ZNF462: variants seen among roughly 807,000 people sequenced by gnomAD.
ZNF462 encodes the protein zinc finger PBX1-interacting protein.
A neutral mutation model predicts 201.9 loss-of-function variants in ZNF462; 10 were observed. The observed-to-expected ratio is 0.05, with a 90% CI of 0.03 to 0.08. The LOEUF is 0.08. Among genes scored for constraint, ZNF462 ranks in the 10% least tolerant of loss-of-function variants. The pLI is 1.00. For missense variants in ZNF462, 2,523 were observed against 3,168.3 expected, an observed-to-expected ratio of 0.80 and a Z score of 4.89; for synonymous variants, 1,227 against 1,193.3, an observed-to-expected ratio of 1.03 and a Z score of -0.58.
At position 106,962,504 on chromosome 9, in the gene ZNF462, G is replaced by T. The variant is rs975710983; in HGVS notation, c.6428-9501G>T. 6.6e-6 allele frequency among the ~76,000 whole-genome samples: 1 copy of T among 151,976 alleles called. No individual in the cohort carries two copies. Among genetic ancestry groups the T allele is most frequent in the African/African-American group, 2.4e-5 (1 of 41,382 alleles). ...CCTCAAAAATATAAAGAAAAAACAT[G>T]AGGCTTCACACAAAATAAGGTCTTT... On this transcript the variant is annotated intron_variant, in intron 7 of 12. Transcript: ENST00000277225. This position sits in a 1 kb window ranked among gnomAD's most constrained non-coding sequence, Gnocchi z 4.6.
At chr9:106,892,277 G>A (rs1195129527) in intron 1 of ZNF462, among the ~76,000 whole-genome samples, 1 of 152,162 alleles carries the variant, frequency 6.6e-6, no homozygotes, top group Non-Finnish European at 1.5e-5. Context: ...TAATAATCCT[G>A]GCATCCATTT....
intron 1 of ZNF462, among the ~76,000 whole-genome samples, chr9:106,896,602 A>G (rs1339832892): frequency 6.6e-6 from 1 of 152,240 alleles, no homozygotes; most frequent in African/African-American, 2.4e-5. Flanking sequence ...TTTGGGGGAT[A>G]GAAGGTAAAG....
intron 9 of ZNF462, chr9:106,975,989 A>G (rs1009289597): frequency 2.0e-5 from 3 of 152,362 alleles, no homozygotes; most frequent in Non-Finnish European, 2.9e-5. Flanking sequence ...TTCCCGTTGT[A>G]TGCCTGTGAA....
chr9:107,008,479 G>A lies in ZNF462; in HGVS notation c.7190-1066G>A, dbSNP rs935513705. ...AGGAGGCATCTTCCTGTAATGTCTT[G>A]TATGTGTGGACCAGAGTGATCAGAG... On this transcript the variant is annotated intron_variant, in intron 11 of 12. Coordinates refer to ENST00000277225, the MANE Select transcript of ZNF462 (RefSeq NM_021224.6). The surrounding 1 kb of genome is among the most constrained non-coding windows in gnomAD (Gnocchi z 4.8). 2.0e-5 allele frequency among the ~76,000 whole-genome samples: 3 copies of A among 152,140 alleles called. No homozygotes were observed. The highest frequency in any genetic ancestry group is 7.2e-5 in the African/African-American group (3 of 41,416).
At chr9:106,986,075 A>G (rs941578094) in intron 10 of ZNF462, among the ~76,000 whole-genome samples, 4 of 152,170 alleles carry the variant, frequency 2.6e-5, no homozygotes, top group Non-Finnish European at 5.9e-5. Flanking sequence ...CCTTTTTATT[A>G]CAGTGTTTAA....
At chr9:106,991,125 T>C (rs1344267827) in intron 10 of ZNF462, among the ~76,000 whole-genome samples, 1 of 152,020 alleles carries the variant, frequency 6.6e-6, no homozygotes. Context: ...CAACTTTTTA[T>C]TTATAGACAA....
In ZNF462 at chr9:106,923,249, T is replaced by C. The variant is rs1588059599; in HGVS notation, c.-30-105T>C. On this transcript the variant is annotated intron_variant, in intron 1 of 12. Transcript: ENST00000277225. The surrounding 1 kb of genome is among the most constrained non-coding windows in gnomAD (Gnocchi z 5.6). ...CTGGCAAAGTCCAATAAGAGAAATC[T>C]ACTGATACTGGAATTTTTTCCCATT... is the stretch of plus-strand genomic sequence containing the variant. 3 of 787,400 alleles carry C rather than the reference T, an allele frequency of 3.8e-6. No homozygotes were observed. The East Asian group carries it at 7.9e-5, about 21-fold the overall frequency. 48.8% of individuals were successfully genotyped at this position (787,400 alleles called of 1,614,324 possible). A position where few individuals can be genotyped will look rare whatever the true frequency, so the allele number is the denominator to read the frequency against.
At chr9:106,980,672 A>G (rs1027716500) in intron 9 of ZNF462, among the ~76,000 whole-genome samples, 4 of 152,282 alleles carry the variant, frequency 2.6e-5, no homozygotes, top group Non-Finnish European at 5.9e-5. Flanking sequence ...CTTCGGTTTT[A>G]TGTCCTGCTG....
chr9:106,939,723 A>G (rs1588089390), intron 7 of ZNF462, among the ~76,000 whole-genome samples: 1 of 152,316 alleles, frequency 6.6e-6, no homozygotes, highest in East Asian at 1.9e-4. Context: ...CTCGCTAGCA[A>G]TGTGACCAAA....
intron 7 of ZNF462, 107 bp from the exon 8 acceptor site, chr9:106,971,898 C>T: frequency 7.3e-7 from 1 of 1,369,910 alleles, no homozygotes; most frequent in Non-Finnish European, 9.9e-7. Flanking sequence ...TCAATTATAC[C>T]TTAGTAAAGC....
intron 10 of ZNF462, among the ~76,000 whole-genome samples, chr9:106,998,120 A>C (rs2132543207): frequency 6.6e-6 from 1 of 152,302 alleles, no homozygotes; most frequent in Non-Finnish European, 1.5e-5. Flanking sequence ...ACAGCGCTGC[A>C]CATTCTTTTT....
chr9:106,886,720 T>G lies in ZNF462; in HGVS notation c.-31+23365T>G, dbSNP rs1828335256. The stretch of plus-strand genomic sequence containing the variant: ...ATGTAGGAAGTTAGTTAAGGAAGCC[T>G]GAAATGGAATATCAGTTTTCTGCCC... On this transcript the variant is annotated intron_variant, in intron 1 of 12. Transcript: ENST00000277225. This position sits in a 1 kb window ranked among gnomAD's most constrained non-coding sequence, Gnocchi z 4.6. 6.6e-6 allele frequency among the ~76,000 whole-genome samples: 1 copy of G among 152,188 alleles called. No homozygotes were observed. The highest frequency in any genetic ancestry group is 2.4e-5 in the African/African-American group (1 of 41,452).
At chr9:106,994,428 C>A (rs1048723650) in intron 10 of ZNF462, among the ~76,000 whole-genome samples, 2 of 152,092 alleles carry the variant, frequency 1.3e-5, no homozygotes, top group Non-Finnish European at 2.9e-5. Flanking sequence ...AAGAATCTTT[C>A]TCCAAAGATT....
At chr9:106,864,109 T>TCTCTCTCTCTCTCC (rs1564062922) in intron 1 of ZNF462, among the ~76,000 whole-genome samples, 1 of 115,346 alleles carries the variant, frequency 8.7e-6, no homozygotes, top group African/African-American at 3.7e-5. Context: ...TCTCTCTCTC[T>TCTCTCTCTCTCTCC]CCCTCTCCCC....
Position 107,009,643 on chromosome 9 carries a change from G to C in ZNF462, c.7288G>C (p.Glu2430Gln). The C allele has an allele frequency of 1.9e-6, 3 of 1,550,248 alleles. No homozygotes were observed. Among genetic ancestry groups the C allele is most frequent in the Non-Finnish European group, 2.6e-6 (3 of 1,139,294 alleles). The change falls in exon 12 of 13, where the codon GAA (glutamate) becomes CAA (glutamine). Residue 2430 changes from glutamate to glutamine, a missense_variant. Coordinates refer to ENST00000277225, the MANE Select transcript of ZNF462 (RefSeq NM_021224.6). The surrounding 1 kb of genome is among the most constrained non-coding windows in gnomAD (Gnocchi z 6.1). ...GGCGTTTTCACAGGGCTCTGAGTGGGAAAGACATGTGCTGAGACACGGCAT... is the reference window on the plus strand; with the variant it reads ...GGCGTTTTCACAGGGCTCTGAGTGGCAAAGACATGTGCTGAGACACGGCAT... ...GRAFSQGSEW[E>Q]RHVLRHGMAL...
At position 106,906,058 on chromosome 9, in the gene ZNF462, C is replaced by A. The variant is rs148309142; in HGVS notation, c.-30-17296C>A. ...GGGCCGCTTGGGGACCCAGTGAGAT[C>A]CCAGGGCCTTCCTGCTGCTTCCTCT... is the stretch of plus-strand genomic sequence containing the variant. On this transcript the variant is annotated intron_variant, in intron 1 of 12. Coordinates refer to ENST00000277225, the MANE Select transcript of ZNF462 (RefSeq NM_021224.6). Among the ~76,000 whole-genome samples the A allele has an allele frequency of 5.8e-3, 888 of 152,302 alleles. 10 individuals carry two copies. The highest frequency in any genetic ancestry group is 0.021 in the African/African-American group (862 of 41,554).
chr9:106,982,878 T>C (rs1443116833), intron 9 of ZNF462, among the ~76,000 whole-genome samples: 24 of 152,166 alleles, frequency 1.6e-4, no homozygotes, highest in Non-Finnish European at 5.9e-5. Context: ...AAGGGAGGAC[T>C]CTAAAGAGTG....
Position 106,993,745 on chromosome 9 carries a change from C to T in ZNF462, c.7056+9336C>T, listed in dbSNP as rs1286123738. ...TAGCAATACTGTTGAAAGATGAAGA[C>T]AACATTTTTTCTTTTTTGAGTCAGG... On this transcript the variant is annotated intron_variant, in intron 10 of 12. Transcript: ENST00000277225. The surrounding 1 kb of genome is among the most constrained non-coding windows in gnomAD (Gnocchi z 4.0). Among the ~76,000 whole-genome samples, 3 of 151,710 alleles carry T rather than the reference C, an allele frequency of 2.0e-5. No individual in the cohort carries two copies. Among genetic ancestry groups the T allele is most frequent in the Non-Finnish European group, 4.4e-5 (3 of 67,966 alleles).
At chr9:106,967,088 C>A (rs551814600) in intron 7 of ZNF462, among the ~76,000 whole-genome samples, 2 of 152,254 alleles carry the variant, frequency 1.3e-5, no homozygotes, top group Middle Eastern at 3.4e-3. Flanking sequence ...CTTAAACTTA[C>A]AATAGCTGAA....
Sources: gnomAD v4.1 joint callset for allele counts (sites outside exome capture counted in the v4.1 genomes callset) on GRCh38, gnomAD v4.1.1 for gene constraint, Gnocchi (gnomAD v3.1) non-coding constraint, MANE v1.5 for transcripts, NCBI Gene and HGNC (gene_info 2026-07-23, HGNC 2026-07-21) for gene names.